Variants in ATF7IP observed in about 807,000 individuals in gnomAD.
The protein encoded by ATF7IP is activating transcription factor 7 interacting protein, also known as activating transcription factor 7-interacting protein 1.
In ATF7IP, 23 loss-of-function variants were observed where a neutral mutation model predicts 106.4. The ratio of observed to expected loss-of-function variants is 0.22; its 90% CI spans 0.16 to 0.31. The LOEUF (loss-of-function observed/expected upper bound fraction) is 0.31. Among genes scored for constraint, ATF7IP ranks in the 10% least tolerant of loss-of-function variants. The pLI, the probability that ATF7IP is intolerant of heterozygous loss-of-function variation, is 1.00. For synonymous variants in ATF7IP, 542 were observed against 539.0 expected (o/e 1.01, Z -0.08); for missense variants, 1,334 against 1,524.3 (o/e 0.88, Z 2.08).
At chr12:14,436,898 T>C (rs1942427533) in intron 4 of ATF7IP, among the ~76,000 whole-genome samples, 1 of 152,146 alleles carries the variant, frequency 6.6e-6, no homozygotes, top group African/African-American at 2.4e-5. Context: ...TCTTTTTCCT[T>C]CTCACATTGA....
intron 1 of ATF7IP, among the ~76,000 whole-genome samples, chr12:14,371,263 C>T (rs530563663): frequency 4.0e-5 from 6 of 151,616 alleles, no homozygotes; most frequent in Admixed American, 6.6e-5. Context: ...GAAGAAATCA[C>T]GGAAATATAG....
At chr12:14,471,746 A>G (rs969494286) in intron 10 of ATF7IP, among the ~76,000 whole-genome samples, 1 of 152,112 alleles carries the variant, frequency 6.6e-6, no homozygotes, top group African/African-American at 2.4e-5. Context: ...TGAGAATAGC[A>G]TGGGGGAAAC....
At chr12:14,476,176 A>G in intron 11 of ATF7IP, 1 of 443,572 alleles carries the variant, frequency 2.3e-6, no homozygotes, top group Non-Finnish European at 4.0e-6. Context: ...TGGGAGGCCA[A>G]GGCAGGAGGA....
At chr12:14,427,572 G>C (rs1303668760) in intron 2 of ATF7IP, among the ~76,000 whole-genome samples, 1 of 151,990 alleles carries the variant, frequency 6.6e-6, no homozygotes, top group African/African-American at 2.4e-5. Context: ...CATCATGTTG[G>C]TCAGGCTGGT....
chr12:14,452,662 C>A (rs1253026288), intron 6 of ATF7IP, among the ~76,000 whole-genome samples: 1 of 152,036 alleles, frequency 6.6e-6, no homozygotes, highest in African/African-American at 2.4e-5. Context: ...TATATCACAT[C>A]TTTTTATGTT....
chr12:14,475,838 A>T, intron 10 of ATF7IP, 52 bp from the exon 11 acceptor site: 1 of 1,447,186 alleles, frequency 6.9e-7, no homozygotes, highest in Non-Finnish European at 9.6e-7. Context: ...ATTTTTTAAC[A>T]CGTATATCTG....
In ATF7IP at chr12:14,425,432, A is replaced by T; in HGVS notation, c.1517A>T (p.Asp506Val). The T allele has an allele frequency of 6.3e-7, 1 of 1,593,462 alleles. No individual in the cohort carries two copies. The highest frequency in any genetic ancestry group is 8.5e-7 in the Non-Finnish European group (1 of 1,173,088). Residue 506 changes from aspartate (D) to valine (V), a missense_variant, in exon 2 of 15, where the codon GAT (aspartate) becomes GTT (valine). By Grantham distance (152) the Asp-to-Val change is radical. Transcript: ENST00000261168. ...SDEEDISGEK[D>V]ESEVISQNET... is the part of the protein sequence containing the mutation. ...GAAGAGGATATTTCGGGTGAAAAAGATGAGTCTGAAGTTATATCGCAAAAT... is the reference window on the plus strand; with the variant it reads ...GAAGAGGATATTTCGGGTGAAAAAGTTGAGTCTGAAGTTATATCGCAAAAT...
chr12:14,427,827 C>T (rs1054001047), intron 2 of ATF7IP, among the ~76,000 whole-genome samples: 1 of 152,108 alleles, frequency 6.6e-6, no homozygotes, highest in Admixed American at 6.5e-5. Context: ...TGTTATTACT[C>T]CTGCTGCGAG....
intron 1 of ATF7IP, among the ~76,000 whole-genome samples, chr12:14,405,526 C>T (rs1940529713): frequency 6.7e-6 from 1 of 150,098 alleles, no homozygotes; most frequent in Non-Finnish European, 1.5e-5. Flanking sequence ...GTGATCCTCC[C>T]ACCTCAGCCT....
chr12:14,497,658 C>T lies in ATF7IP; in HGVS notation c.3398C>T (p.Pro1133Leu). ...CAGTGTGACCTGTTTCTTCAGGAGC[C>T]CCCACGCCCCGTGCACCCAGCACCC... is the stretch of plus-strand genomic sequence containing the variant. ...HHRPPQVHTE[P>L]PRPVHPAPLP... The change falls in exon 15 of 15, where the codon CCC becomes CTC. Residue 1133 changes from proline (P) to leucine (L), a missense_variant. Physicochemically the swap from Pro to Leu is moderately conservative, Grantham distance 98. Coordinates refer to ENST00000261168, the MANE Select transcript of ATF7IP (RefSeq NM_018179.5). 1.2e-6 allele frequency: 2 copies of T among 1,610,946 alleles called. No individual in the cohort carries two copies. Among genetic ancestry groups the T allele is most frequent in the Non-Finnish European group, 1.7e-6 (2 of 1,178,072 alleles).
At chr12:14,394,101 G>C (rs1939714366) in intron 1 of ATF7IP, among the ~76,000 whole-genome samples, 3 of 152,052 alleles carry the variant, frequency 2.0e-5, no homozygotes, top group Admixed American at 2.0e-4. Context: ...GATACCTGAA[G>C]GTACACAATT....
At chr12:14,496,119 C>T in intron 13 of ATF7IP, 112 bp from the exon 14 acceptor site, 1 of 673,368 alleles carries the variant, frequency 1.5e-6, no homozygotes, top group East Asian at 2.8e-5. Flanking sequence ...AAATATCTTT[C>T]CTTTCGAATC....
At chr12:14,401,172 C>A (rs945205469) in intron 1 of ATF7IP, among the ~76,000 whole-genome samples, 3 of 151,902 alleles carry the variant, frequency 2.0e-5, no homozygotes, top group Non-Finnish European at 4.4e-5. Flanking sequence ...TTTCAAAATC[C>A]ATTTCTTCCT....
At chr12:14,425,547 G>A in intron 2 of ATF7IP, 74 bp downstream of exon 2, 1 of 1,396,716 alleles carries the variant, frequency 7.2e-7, no homozygotes, top group Non-Finnish European at 9.5e-7. Context: ...TTATCATAAT[G>A]TTTTAAATTT....
intron 8 of ATF7IP, among the ~76,000 whole-genome samples, chr12:14,458,588 C>T (rs11055980): frequency 0.41 from 61,686 of 152,036 alleles, 13,241 homozygotes; most frequent in East Asian, 0.59. Context: ...TTGGGAGGCC[C>T]GAGGCAGGTG....
At chr12:14,382,692 G>A (rs1486903943) in intron 1 of ATF7IP, among the ~76,000 whole-genome samples, 1 of 152,154 alleles carries the variant, frequency 6.6e-6, no homozygotes, top group Non-Finnish European at 1.5e-5. Context: ...GAGAATTTCA[G>A]CTCACTATTT....
At chr12:14,435,528 A>G (rs539482186) in intron 3 of ATF7IP, among the ~76,000 whole-genome samples, 5 of 152,344 alleles carry the variant, frequency 3.3e-5, no homozygotes, top group East Asian at 1.9e-4. Context: ...CAGATTTTCT[A>G]AGTGAAGTCT....
Position 14,481,032 on chromosome 12 carries a change from C to G in ATF7IP, c.3127C>G (p.Pro1043Ala). The change falls in exon 13 of 15, where the codon CCA becomes GCA. Residue 1043 changes from proline (P) to alanine (A), a missense_variant. Pro to Ala is a conservative substitution (Grantham distance 27). Coordinates refer to ENST00000261168, the MANE Select transcript of ATF7IP (RefSeq NM_018179.5). ...AACTACCGTGAATGTAACACATCGTCCAGTAACTCAGGTGACCACAAGACT... is the reference window on the plus strand; with the variant it reads ...AACTACCGTGAATGTAACACATCGTGCAGTAACTCAGGTGACCACAAGACT... Reference protein sequence around the residue: ...APTTVNVTHRPVTQVTTRLPV... With the variant: ...APTTVNVTHRAVTQVTTRLPV... The G allele has an allele frequency of 3.7e-6, 6 of 1,613,982 alleles. No individual in the cohort carries two copies. The highest frequency in any genetic ancestry group is 5.1e-6 in the Non-Finnish European group (6 of 1,179,942).
rs766448312 is a variant in ATF7IP, at chr12:14,497,996, A to C, written c.3736A>C (p.Lys1246Gln). Residue 1246 changes from lysine to glutamine, a missense_variant, in exon 15 of 15, where the codon AAG becomes CAG. Physicochemically the swap from Lys to Gln is moderately conservative, Grantham distance 53 (BLOSUM62 1). Transcript: ENST00000261168. Reference protein sequence around the residue: ...GSKYYFAVRAKDIYGRFGPFC... With the variant: ...GSKYYFAVRAQDIYGRFGPFC... ...CAAATACTACTTTGCAGTACGAGCC[A>C]AGGATATTTATGGACGTTTTGGGCC... The C allele has an allele frequency of 6.2e-7, 1 of 1,614,034 alleles. No homozygotes were observed. Among genetic ancestry groups the C allele is most frequent in the East Asian group, 2.2e-5 (1 of 44,880 alleles).
Sources: gnomAD v4.1 joint callset for allele counts (sites outside exome capture counted in the v4.1 genomes callset) on GRCh38, gnomAD v4.1.1 for gene constraint, MANE v1.5 for transcripts, NCBI Gene and HGNC (gene_info 2026-07-23, HGNC 2026-07-21) for gene names.